Variants in LYPLAL1 observed in about 807,000 individuals in gnomAD.
The protein encoded by LYPLAL1 is lysophospholipase-like protein 1.
A neutral mutation model predicts 19.7 loss-of-function variants in LYPLAL1; 23 were observed. That is an observed-to-expected ratio of 1.17 (90% CI 0.84 to 1.65). LYPLAL1 has a LOEUF of 1.65. Among genes scored for constraint, LYPLAL1 ranks in the 40% most tolerant of loss-of-function variants. The pLI, the probability that LYPLAL1 is intolerant of heterozygous loss-of-function variation, is 0.00. For missense variants in LYPLAL1, 355 were observed against 279.4 expected, an observed-to-expected ratio of 1.27 and a Z score of -1.93; for synonymous variants, 119 against 96.3, an observed-to-expected ratio of 1.24 and a Z score of -1.38.
chr1:219,273,240 G>A, the LYPLAL1 span: 1 of 152,128 alleles, frequency 6.6e-6, no homozygotes, highest in African/African-American at 2.4e-5. Context: ...TTAAAAGGAG[G>A]CTTAACTTAC....
the LYPLAL1 span, among the ~76,000 whole-genome samples, chr1:219,243,012 A>G: frequency 6.6e-6 from 1 of 152,154 alleles, no homozygotes; most frequent in African/African-American, 2.4e-5. Flanking sequence ...TATAACTGCA[A>G]TCCGAAACAG....
chr1:219,177,113 A>AG (rs1655881945), intron 1 of LYPLAL1, among the ~76,000 whole-genome samples: 1 of 152,206 alleles, frequency 6.6e-6, no homozygotes, highest in Non-Finnish European at 1.5e-5. Context: ...GAAACTTCAC[A>AG]GCTAGACTTA....
the LYPLAL1 span, among the ~76,000 whole-genome samples, chr1:219,242,836 A>C: frequency 6.6e-6 from 1 of 152,194 alleles, no homozygotes; most frequent in Non-Finnish European, 1.5e-5. Flanking sequence ...AGAATTTGGC[A>C]TAACAATTTT....
the LYPLAL1 span, among the ~76,000 whole-genome samples, chr1:219,405,889 G>A: frequency 6.6e-6 from 1 of 152,166 alleles, no homozygotes; most frequent in East Asian, 1.9e-4. Context: ...AAATATGGAA[G>A]CACTCAGCAA....
At chr1:219,349,543 G>C in the LYPLAL1 span, among the ~76,000 whole-genome samples, 2 of 152,148 alleles carry the variant, frequency 1.3e-5, no homozygotes, top group Non-Finnish European at 2.9e-5. Context: ...GAAGAAAAGA[G>C]TGTGCGTGCA....
the LYPLAL1 span, among the ~76,000 whole-genome samples, chr1:219,421,919 A>T: frequency 2.0e-5 from 3 of 152,244 alleles, no homozygotes; most frequent in African/African-American, 7.2e-5. Flanking sequence ...TCAAGCAATC[A>T]TTCGCATTTT....
chr1:219,384,586 C>T, the LYPLAL1 span, among the ~76,000 whole-genome samples: 19 of 152,154 alleles, frequency 1.2e-4, no homozygotes, highest in East Asian at 1.9e-4. Flanking sequence ...CAAATTAGGT[C>T]GGATGTCTGA....
chr1:219,189,128 A>C (rs558875254), intron 2 of LYPLAL1, among the ~76,000 whole-genome samples: 1 of 151,808 alleles, frequency 6.6e-6, no homozygotes, highest in African/African-American at 2.4e-5. Flanking sequence ...TAATTAAGGC[A>C]TTGTCAAAGA....
At chr1:219,393,095 C>G in the LYPLAL1 span, among the ~76,000 whole-genome samples, 253 of 152,250 alleles carry the variant, frequency 1.7e-3, no homozygotes, top group African/African-American at 4.9e-3. Flanking sequence ...TTTTTCTGAG[C>G]TAAAGCTGTA....
chr1:219,183,762 A>G (rs1023863645), intron 2 of LYPLAL1, among the ~76,000 whole-genome samples: 1 of 151,952 alleles, frequency 6.6e-6, no homozygotes, highest in Admixed American at 6.6e-5. Context: ...GTGTATCAAT[A>G]GTTCAATTTT....
At chr1:219,207,226 C>G (rs989128920) in intron 3 of LYPLAL1, among the ~76,000 whole-genome samples, 15 of 151,820 alleles carry the variant, frequency 9.9e-5, no homozygotes, top group African/African-American at 3.4e-4. Flanking sequence ...TAAATGGTGA[C>G]CATATTTTAA....
chr1:219,214,770 A>T (rs1659228924), downstream of LYPLAL1, among the ~76,000 whole-genome samples: 1 of 149,450 alleles, frequency 6.7e-6, no homozygotes, highest in East Asian at 2.0e-4. Flanking sequence ...TGCTCACTAC[A>T]ACTCCACCTC....
the LYPLAL1 span, among the ~76,000 whole-genome samples, chr1:219,240,195 G>A: frequency 2.0e-5 from 3 of 152,186 alleles, no homozygotes; most frequent in Non-Finnish European, 4.4e-5. Context: ...CATTGTCCTG[G>A]ACCTAAGAAT....
At chr1:219,299,140 CTTTT>C in the LYPLAL1 span, among the ~76,000 whole-genome samples, 101 of 129,474 alleles carry the variant, frequency 7.8e-4, no homozygotes, top group African/African-American at 2.4e-3. Context: ...CCTCCCCCAG[CTTTT>C]TTTTTTTTTT....
chr1:219,394,201 G>T, the LYPLAL1 span, among the ~76,000 whole-genome samples: 1 of 152,082 alleles, frequency 6.6e-6, no homozygotes, highest in Non-Finnish European at 1.5e-5. Flanking sequence ...ATTTTGTCTA[G>T]ATAAAAGTTA....
At chr1:219,416,133 C>A in the LYPLAL1 span, among the ~76,000 whole-genome samples, 1,829 of 152,318 alleles carry the variant, frequency 0.012, 37 homozygotes, top group African/African-American at 0.041. Flanking sequence ...ACATTTGTCA[C>A]AACTAATGAA....
At chr1:219,362,472 C>T in the LYPLAL1 span, among the ~76,000 whole-genome samples, 1 of 152,040 alleles carries the variant, frequency 6.6e-6, no homozygotes, top group Non-Finnish European at 1.5e-5. Context: ...ATGAAGAACT[C>T]AACGATTTCC....
At chr1:219,348,780 A>G in the LYPLAL1 span, among the ~76,000 whole-genome samples, 1 of 152,194 alleles carries the variant, frequency 6.6e-6, no homozygotes, top group Non-Finnish European at 1.5e-5. Context: ...TTCAACAAAT[A>G]ATTGATTGAG....
the LYPLAL1 span, among the ~76,000 whole-genome samples, chr1:219,344,109 A>G: frequency 5.3e-5 from 8 of 152,118 alleles, no homozygotes; most frequent in African/African-American, 7.2e-5. Flanking sequence ...CTCAAAATGA[A>G]CACTCAGTCC....
Sources: allele counts gnomAD v4.1 joint callset (sites outside exome capture counted in the v4.1 genomes callset), GRCh38; gene constraint gnomAD v4.1.1; transcripts MANE v1.5; gene names NCBI Gene and HGNC (gene_info 2026-07-23, HGNC 2026-07-21).